TRNT1: variants seen among roughly 807,000 people sequenced by gnomAD.
TRNT1 encodes the protein CCA tRNA nucleotidyltransferase 1, mitochondrial.
Under a neutral mutation model 45.6 loss-of-function variants are expected in TRNT1, and 44 were observed. The observed-to-expected ratio is 0.97, with a 90% CI of 0.76 to 1.24. TRNT1 has a LOEUF of 1.24. TRNT1 is among the 50% of genes most tolerant of loss of function. The pLI, the probability that TRNT1 is intolerant of heterozygous loss-of-function variation, is 0.00. For missense variants in TRNT1, 633 were observed against 504.4 expected (o/e 1.25, Z -2.44); for synonymous variants, 201 against 171.4 (o/e 1.17, Z -1.35).
intron 6 of TRNT1, 39 bp from the exon 7 acceptor site, chr3:3,147,411 C>T: frequency 6.2e-7 from 1 of 1,600,072 alleles, no homozygotes; most frequent in Non-Finnish European, 8.5e-7. Flanking sequence ...GTTTTTTATC[C>T]CCACTAAAAA....
At chr3:3,150,283 A>G (rs1706422180), downstream of TRNT1, 1 of 152,790 alleles carries the variant, frequency 6.5e-6, no homozygotes, top group Admixed American at 6.5e-5. Context: ...GGCTCAAAAA[A>G]CTGCATATTT....
intron 2 of TRNT1, among the ~76,000 whole-genome samples, chr3:3,133,872 C>A (rs1393579530): frequency 3.3e-5 from 5 of 152,046 alleles, no homozygotes; most frequent in African/African-American, 9.7e-5. Context: ...CCCCTTACCC[C>A]ACCCCAGCCT....
In TRNT1 at chr3:3,132,996, T is replaced by C. The variant is rs1301859343; in HGVS notation, c.148+3808T>C. Among the ~76,000 whole-genome samples the C allele has an allele frequency of 2.6e-5, 4 of 152,246 alleles. No individual in the cohort carries two copies. In the East Asian group the frequency reaches 7.8e-4, roughly 30 times the overall value. ...CAAAGACTTGGGTGCCCTGGTAAAA[T>C]GTAATGTTCTGTATAAAATCAAAAT... is the stretch of plus-strand genomic sequence containing the variant. On this transcript the variant is annotated intron_variant, in intron 2 of 7. Coordinates refer to ENST00000251607, the MANE Select transcript of TRNT1 (RefSeq NM_182916.3).
In TRNT1 at chr3:3,134,352, C is replaced by T. The variant is rs559871669; in HGVS notation, c.149-2908C>T. ...TCATATAGACAAATATGCCTTGATACGTCTTTCTCAGTTGTCTTAAATGTT... is the reference window on the plus strand; with the variant it reads ...TCATATAGACAAATATGCCTTGATATGTCTTTCTCAGTTGTCTTAAATGTT... On this transcript the variant is annotated intron_variant, in intron 2 of 7. Transcript: ENST00000251607. Among the ~76,000 whole-genome samples the T allele has an allele frequency of 1.8e-4, 27 of 152,194 alleles. 1 individual carries two copies. The East Asian group carries it at 2.5e-3, about 14-fold the overall frequency.
chr3:3,151,221 A>C (rs956796508), downstream of TRNT1, among the ~76,000 whole-genome samples: 1 of 152,200 alleles, frequency 6.6e-6, no homozygotes, highest in African/African-American at 2.4e-5. Flanking sequence ...AACATTTTCT[A>C]ATTTTGTAAT....
Position 3,146,774 on chromosome 3 carries a change from GTT to G in TRNT1, c.802+154_802+155del. On this transcript the variant is annotated intron_variant, in intron 6 of 7. Transcript: ENST00000251607. The stretch of plus-strand genomic sequence containing the variant: ...AGACAAAGTTTGGGTTATGGGGTAA[GTT>G]TTGTCGTGAGTAGGGAAGAGCTCAA... 1.2e-5 allele frequency: 9 copies of G among 726,396 alleles called. No individual in the cohort carries two copies. The South Asian group carries it at 1.8e-4, about 15-fold the overall frequency. 45.0% of individuals were successfully genotyped at this position (726,396 alleles called of 1,614,324 possible).
intron 1 of TRNT1, 55 bp downstream of exon 1, chr3:3,127,045 C>A (rs1280267424): frequency 6.6e-6 from 1 of 152,370 alleles, no homozygotes; most frequent in Non-Finnish European, 1.5e-5. Context: ...AGTTGCTGCC[C>A]CTTCCTTCCT....
intron 2 of TRNT1, among the ~76,000 whole-genome samples, chr3:3,134,682 TA>T (rs1183056313): frequency 3.3e-5 from 5 of 152,104 alleles, no homozygotes; most frequent in African/African-American, 1.2e-4. Context: ...TAAGAAAACT[TA>T]AAAAAACCCA....
chr3:3,152,325 G>A, downstream of TRNT1: 1 of 1,023,530 alleles, frequency 9.8e-7, no homozygotes, highest in East Asian at 2.5e-5. Flanking sequence ...GCTAATTTTT[G>A]TAGCAAATTA....
At chr3:3,145,847 G>A (rs935201049) in intron 5 of TRNT1, among the ~76,000 whole-genome samples, 10 of 151,832 alleles carry the variant, frequency 6.6e-5, no homozygotes, top group South Asian at 2.1e-4. Flanking sequence ...ACTTTGGACC[G>A]CTGATGAATT....
downstream of TRNT1, chr3:3,152,792 AAAT>A (rs377441143): frequency 3.8e-3 from 2,271 of 605,240 alleles, 12 homozygotes; most frequent in Middle Eastern, 6.3e-3. Context: ...CTAAATGTCT[AAAT>A]GTTTTCTGTG....
chr3:3,144,804 A>G, intron 5 of TRNT1, 94 bp downstream of exon 5: 2 of 1,255,320 alleles, frequency 1.6e-6, no homozygotes, highest in Non-Finnish European at 1.1e-6. Flanking sequence ...CAGTGTACAA[A>G]ATGGTGACAT....
intron 4 of TRNT1, among the ~76,000 whole-genome samples, chr3:3,141,862 G>A (rs150985368): frequency 0.011 from 1,691 of 152,220 alleles, 30 homozygotes; most frequent in Middle Eastern, 0.027. Context: ...AATTTCTAGG[G>A]TACCTACTGG....
chr3:3,132,950 A>G (rs947936715), intron 2 of TRNT1, among the ~76,000 whole-genome samples: 7 of 152,138 alleles, frequency 4.6e-5, no homozygotes, highest in African/African-American at 1.4e-4. Context: ...TTTTAGTGCA[A>G]TGATCAACAA....
intron 1 of TRNT1, chr3:3,127,458 G>C (rs1704660323): frequency 2.6e-5 from 4 of 152,312 alleles, no homozygotes; most frequent in African/African-American, 9.6e-5. Context: ...GGTTTACACC[G>C]GGGTCACTCG....
rs773206803 is a variant in TRNT1, at chr3:3,147,937, G to C, written c.1088G>C (p.Cys363Ser). The change falls in exon 8 of 8, where the codon TGT (cysteine) becomes TCT (serine). Residue 363 changes from cysteine (C) to serine (S), a missense_variant. Physicochemically the swap from Cys to Ser is moderately radical, Grantham distance 112. Coordinates refer to ENST00000251607, the MANE Select transcript of TRNT1 (RefSeq NM_182916.3). ...GAACCTGATGCAACTACTCGTGTAT[G>C]TGAACTACTGAAGTACCAAGGAGAG... ...SREPDATTRV[C>S]ELLKYQGEHC... is the part of the protein sequence containing the mutation. 1.2e-6 allele frequency: 2 copies of C among 1,613,804 alleles called. No individual in the cohort carries two copies. The highest frequency in any genetic ancestry group is 2.2e-5 in the South Asian group (2 of 90,996).
chr3:3,136,302 C>T (rs1055551196), intron 2 of TRNT1, among the ~76,000 whole-genome samples: 2 of 152,176 alleles, frequency 1.3e-5, no homozygotes, highest in Admixed American at 1.3e-4. Flanking sequence ...ATGCCATTCT[C>T]ACTAGGTTCC....
At position 3,141,573 on chromosome 3, in the gene TRNT1, T is replaced by G. The variant is rs17027316; in HGVS notation, c.481+925T>G. ...TTTATTTCAGCTTAACTTTTTTGTT[T>G]AATGAAAGCACTGGGAATTATATGG... is the stretch of plus-strand genomic sequence containing the variant. On this transcript the variant is annotated intron_variant, in intron 4 of 7. Coordinates refer to ENST00000251607, the MANE Select transcript of TRNT1 (RefSeq NM_182916.3). Among the ~76,000 whole-genome samples the G allele has an allele frequency of 6.2e-3, 937 of 152,320 alleles. 35 individuals are homozygous for G. In the East Asian group the frequency reaches 0.1, roughly 17 times the overall value.
At chr3:3,140,954 T>C (rs1320811161) in intron 4 of TRNT1, among the ~76,000 whole-genome samples, 2 of 152,138 alleles carry the variant, frequency 1.3e-5, no homozygotes, top group African/African-American at 2.4e-5. Context: ...TGGTGGCGGC[T>C]GCCTGTAGTC....
Sources: allele counts gnomAD v4.1 joint callset (sites outside exome capture counted in the v4.1 genomes callset), GRCh38; gene constraint gnomAD v4.1.1; transcripts MANE v1.5; gene names NCBI Gene and HGNC (gene_info 2026-07-23, HGNC 2026-07-21).